The following PIBF1 variants were observed in gnomAD, a reference collection of about 807,000 sequenced individuals.
PIBF1 encodes progesterone-induced-blocking factor 1.
PIBF1 carries 90 observed loss-of-function variants against 112.5 expected under a neutral mutation model. That is an observed-to-expected ratio of 0.80 (90% CI 0.67 to 0.95). PIBF1 has a LOEUF of 0.95. PIBF1 is among the 40% of genes least tolerant of loss of function. The probability of loss-of-function intolerance (pLI) is 0.00; values close to 1 mark genes in which losing one functional copy is unlikely to be tolerated. For synonymous variants in PIBF1, 301 were observed against 288.6 expected (o/e 1.04, Z -0.44); for missense variants, 915 against 852.3 (o/e 1.07, Z -0.92).
intron 10 of PIBF1, among the ~76,000 whole-genome samples, chr13:72,857,399 T>C (rs775751592): frequency 6.6e-6 from 1 of 152,202 alleles, no homozygotes; most frequent in Non-Finnish European, 1.5e-5. Context: ...ATGAAAAATG[T>C]TGGTGTGGCA....
intron 17 of PIBF1, among the ~76,000 whole-genome samples, chr13:73,001,582 C>CTTTTTTTTTGTTTTTTTTTTTTTTT (rs2043868477): frequency 3.4e-5 from 1 of 29,160 alleles, no homozygotes; most frequent in African/African-American, 8.3e-5. Context: ...AAGAGCTTGA[C>CTTTTTTTTTGTTTTTTTTTTTTTTT]TTTTTTTTTT....
At chr13:72,879,506 T>C (rs2039536529) in intron 10 of PIBF1, among the ~76,000 whole-genome samples, 1 of 152,200 alleles carries the variant, frequency 6.6e-6, no homozygotes, top group Non-Finnish European at 1.5e-5. Context: ...CAAATGACAA[T>C]GGAGAGGGCT....
intron 2 of PIBF1, among the ~76,000 whole-genome samples, chr13:72,790,370 A>C (rs1490467675): frequency 1.3e-5 from 2 of 150,538 alleles, no homozygotes; most frequent in Non-Finnish European, 3.0e-5. Context: ...TTGAAGGTGT[A>C]ACTTATAGAT....
At chr13:72,834,844 T>G (rs940197387) in intron 8 of PIBF1, among the ~76,000 whole-genome samples, 11 of 152,180 alleles carry the variant, frequency 7.2e-5, no homozygotes, top group Non-Finnish European at 1.3e-4. Context: ...CATTTCATTT[T>G]TATATTTTTG....
At chr13:72,903,324 G>A (rs1438116592) in intron 11 of PIBF1, among the ~76,000 whole-genome samples, 5 of 152,110 alleles carry the variant, frequency 3.3e-5, no homozygotes, top group South Asian at 2.1e-4. Flanking sequence ...GCCAGAACCT[G>A]GCACATAGTT....
At chr13:73,002,068 G>T (rs1389431840) in intron 17 of PIBF1, among the ~76,000 whole-genome samples, 2 of 152,080 alleles carry the variant, frequency 1.3e-5, no homozygotes, top group Non-Finnish European at 2.9e-5. Flanking sequence ...CATTGTTCAG[G>T]CACTTAGTGT....
intron 6 of PIBF1, among the ~76,000 whole-genome samples, chr13:72,824,990 A>G (rs2036735142): frequency 6.6e-6 from 1 of 152,204 alleles, no homozygotes; most frequent in Non-Finnish European, 1.5e-5. Context: ...AGACAAGTGA[A>G]AATTGAGGAG....
rs149414599 is a variant in PIBF1, at chr13:72,952,219, A to G, written c.1834-13055A>G. Among the ~76,000 whole-genome samples, 754 of 151,464 alleles carry G rather than the reference A, an allele frequency of 5.0e-3. 12 individuals are homozygous for G. The highest frequency in any genetic ancestry group is 0.017 in the African/African-American group (704 of 41,310). Reference sequence around the variant, plus strand: ...CAGGCACACACCACCATGCCCAGCTAATTTTTGTATTTTTAGTAGAGACAG... The same window carrying G: ...CAGGCACACACCACCATGCCCAGCTGATTTTTGTATTTTTAGTAGAGACAG... On this transcript the variant is annotated intron_variant, in intron 14 of 17. Transcript: ENST00000326291.
rs374517154 is a variant in PIBF1, at chr13:72,949,619, C to T, written c.1834-15655C>T. Among the ~76,000 whole-genome samples, 21 of 152,176 alleles carry T rather than the reference C, an allele frequency of 1.4e-4. No homozygotes were observed. In the East Asian group the frequency reaches 3.9e-3, roughly 28 times the overall value. The stretch of plus-strand genomic sequence containing the variant: ...GGCGTGAGCCACGGCACCCAGCTAA[C>T]GAATAGCTTTCATACTTTTTTGACC... On this transcript the variant is annotated intron_variant, in intron 14 of 17. Coordinates refer to ENST00000326291, the MANE Select transcript of PIBF1 (RefSeq NM_006346.4).
chr13:72,833,707 C>T (rs911313685), intron 8 of PIBF1, among the ~76,000 whole-genome samples: 71 of 152,268 alleles, frequency 4.7e-4, no homozygotes, highest in Non-Finnish European at 8.5e-4. Flanking sequence ...AGGTGTCTCC[C>T]AGTCAGGATA....
intron 5 of PIBF1, among the ~76,000 whole-genome samples, chr13:72,799,023 A>G (rs2035334700): frequency 6.6e-6 from 1 of 152,198 alleles, no homozygotes; most frequent in African/African-American, 2.4e-5. Context: ...AACCCAAGAG[A>G]GGCAATGCCT....
chr13:72,787,805 C>T (rs149248657), intron 2 of PIBF1, among the ~76,000 whole-genome samples: 3,070 of 152,118 alleles, frequency 0.02, 60 homozygotes, highest in Non-Finnish European at 0.026. Flanking sequence ...ACTGTAGGCC[C>T]GTGCCACAAC....
At chr13:72,893,682 C>A in intron 10 of PIBF1, 102 bp from the exon 11 acceptor site, 1 of 608,914 alleles carries the variant, frequency 1.6e-6, no homozygotes, top group Non-Finnish European at 2.6e-6. Flanking sequence ...TTATTAACTC[C>A]ACAAATATGG....
intron 6 of PIBF1, among the ~76,000 whole-genome samples, chr13:72,826,109 A>T (rs1053453469): frequency 6.6e-6 from 1 of 151,860 alleles, no homozygotes; most frequent in African/African-American, 2.4e-5. Flanking sequence ...AATAAAATTT[A>T]AAAATTTTTT....
chr13:72,863,682 G>A (rs978684271), intron 10 of PIBF1, among the ~76,000 whole-genome samples: 1 of 148,738 alleles, frequency 6.7e-6, no homozygotes, highest in Non-Finnish European at 1.5e-5. Flanking sequence ...AAAAGGGACT[G>A]AGGATTTTTA....
intron 11 of PIBF1, chr13:72,901,157 ATC>A: frequency 2.8e-6 from 1 of 360,320 alleles, no homozygotes; most frequent in Non-Finnish European, 5.5e-6. Flanking sequence ...AATCTTCACA[ATC>A]TATATATCTG....
chr13:72,914,948 C>T (rs1042457015), intron 12 of PIBF1, among the ~76,000 whole-genome samples: 1 of 152,054 alleles, frequency 6.6e-6, no homozygotes, highest in East Asian at 1.9e-4. Context: ...TACAGTTGCT[C>T]TCTCTATTAG....
chr13:72,938,045 T>A (rs2041918090), intron 14 of PIBF1, among the ~76,000 whole-genome samples: 2 of 152,182 alleles, frequency 1.3e-5, no homozygotes, highest in Non-Finnish European at 2.9e-5. Flanking sequence ...TAGCAAAAAG[T>A]TGCTATTTTG....
At chr13:72,995,725 G>T (rs2043631909) in intron 16 of PIBF1, among the ~76,000 whole-genome samples, 1 of 152,146 alleles carries the variant, frequency 6.6e-6, no homozygotes, top group South Asian at 2.1e-4. Flanking sequence ...GCCGAGGCGA[G>T]TGGATCACGA....
Sources: gnomAD v4.1 joint callset for allele counts (sites outside exome capture counted in the v4.1 genomes callset) on GRCh38, gnomAD v4.1.1 for gene constraint, MANE v1.5 for transcripts, NCBI Gene and HGNC (gene_info 2026-07-23, HGNC 2026-07-21) for gene names.